Variants in MSL2 observed in about 807,000 individuals in gnomAD.
The protein encoded by MSL2 is E3 ubiquitin-protein ligase MSL2.
MSL2 carries 2 observed loss-of-function variants against 35.8 expected under a neutral mutation model. The ratio of observed to expected loss-of-function variants is 0.06; its 90% CI spans 0.02 to 0.18. The LOEUF is 0.18. Among genes scored for constraint, MSL2 ranks in the 10% least tolerant of loss-of-function variants. The pLI is 1.00. For synonymous variants in MSL2, 296 were observed against 255.7 expected (o/e 1.16, Z -1.50); for missense variants, 523 against 706.7 (o/e 0.74, Z 2.95).
intron 1 of MSL2, among the ~76,000 whole-genome samples, chr3:136,185,605 T>A (rs950491127): frequency 2.6e-5 from 4 of 151,834 alleles, no homozygotes; most frequent in African/African-American, 9.7e-5. Flanking sequence ...GGTGCAATCT[T>A]GGCTCAATGC....
intron 1 of MSL2, among the ~76,000 whole-genome samples, chr3:136,190,425 G>T (rs1189109617): frequency 6.6e-6 from 1 of 151,830 alleles, no homozygotes. Context: ...GTGTGGTGGC[G>T]CACACCTGTA....
chr3:136,195,384 A>G lies in MSL2; in HGVS notation c.-271T>C. Reference sequence around the variant, plus strand: ...TCGAGTTCGTCCGGAGCGACCACAGAGCGCAGAACGCGGCGGCTTGGGCGC... The same window carrying G: ...TCGAGTTCGTCCGGAGCGACCACAGGGCGCAGAACGCGGCGGCTTGGGCGC... On this transcript the variant is annotated 5_prime_UTR_variant, in exon 1 of 2. Transcript: ENST00000309993. The G allele has an allele frequency of 8.4e-7, 1 of 1,184,972 alleles. No homozygotes were observed. Among genetic ancestry groups the G allele is most frequent in the Non-Finnish European group, 1.0e-6 (1 of 954,972 alleles). The allele number at this position is 1,184,972 out of a possible 1,614,324, so 73.4% of individuals were successfully genotyped here.
At chr3:136,175,840 C>T (rs1457255047) in intron 1 of MSL2, among the ~76,000 whole-genome samples, 1 of 152,162 alleles carries the variant, frequency 6.6e-6, no homozygotes, top group African/African-American at 2.4e-5. Flanking sequence ...TCCTCCATTA[C>T]ATATGTAAAT....
intron 1 of MSL2, among the ~76,000 whole-genome samples, chr3:136,190,530 A>G (rs1026261661): frequency 6.6e-6 from 1 of 150,590 alleles, no homozygotes; most frequent in African/African-American, 2.4e-5. Context: ...GGGTGACAAA[A>G]CAAGATTGTC....
At chr3:136,159,030 G>A (rs527891646) in intron 1 of MSL2, among the ~76,000 whole-genome samples, 6 of 152,272 alleles carry the variant, frequency 3.9e-5, no homozygotes, top group Admixed American at 6.5e-5. Context: ...CAAAATTGAT[G>A]TGTCTGTAAG....
intron 1 of MSL2, among the ~76,000 whole-genome samples, chr3:136,156,392 G>A (rs918905209): frequency 1.3e-5 from 2 of 152,200 alleles, no homozygotes; most frequent in African/African-American, 4.8e-5. Flanking sequence ...TACTTGACTG[G>A]TGATTAGGTG....
At chr3:136,159,112 T>A (rs1486317142) in intron 1 of MSL2, among the ~76,000 whole-genome samples, 2 of 152,126 alleles carry the variant, frequency 1.3e-5, no homozygotes, top group East Asian at 3.8e-4. Context: ...AAAATTCATA[T>A]GGAATCACAG....
intron 1 of MSL2, among the ~76,000 whole-genome samples, chr3:136,190,423 G>C (rs1045279828): frequency 3.9e-5 from 6 of 151,958 alleles, no homozygotes; most frequent in African/African-American, 1.5e-4. Context: ...ACGTGTGGTG[G>C]CGCACACCTG....
chr3:136,156,625 G>A (rs1939532059), intron 1 of MSL2, among the ~76,000 whole-genome samples: 1 of 152,202 alleles, frequency 6.6e-6, no homozygotes, highest in African/African-American at 2.4e-5. Context: ...AGCACCTTGG[G>A]AGGCCAAGGC....
chr3:136,167,351 A>T (rs934553218), intron 1 of MSL2, among the ~76,000 whole-genome samples: 9 of 152,114 alleles, frequency 5.9e-5, no homozygotes, highest in Non-Finnish European at 8.8e-5. Flanking sequence ...GAAAAAAAAA[A>T]ATATCAAGGA....
At chr3:136,165,064 G>A (rs553821299) in intron 1 of MSL2, among the ~76,000 whole-genome samples, 31 of 152,066 alleles carry the variant, frequency 2.0e-4, no homozygotes, top group Non-Finnish European at 4.0e-4. Flanking sequence ...TAGTAGAGAC[G>A]GGGTTTCACC....
Position 136,195,583 on chromosome 3 carries a change from C to A in MSL2, c.-470G>T. On this transcript the variant is annotated 5_prime_UTR_variant, in exon 1 of 2. An upstream open reading frame in the 5' UTR gains an earlier in-frame stop. Coordinates refer to ENST00000309993, the MANE Select transcript of MSL2 (RefSeq NM_018133.4). ...CTCCCGGGCTGCAGGGCCTCTTACTCCATCCCAGTACAGGGCGCGGAGGCG... is the reference window on the plus strand; with the variant it reads ...CTCCCGGGCTGCAGGGCCTCTTACTACATCCCAGTACAGGGCGCGGAGGCG... 1.0e-6 allele frequency: 1 copy of A among 994,824 alleles called. No individual in the cohort carries two copies. The highest frequency in any genetic ancestry group is 4.4e-5 in the South Asian group (1 of 22,946). The allele number at this position is 994,824 out of a possible 1,614,324, so 61.6% of individuals were successfully genotyped here.
At chr3:136,171,627 A>G (rs1474639119) in intron 1 of MSL2, among the ~76,000 whole-genome samples, 1 of 152,200 alleles carries the variant, frequency 6.6e-6, no homozygotes, top group East Asian at 1.9e-4. Flanking sequence ...GTAACTGTCC[A>G]AGTCTGACAA....
chr3:136,187,843 A>T lies in MSL2; in HGVS notation c.142+7129T>A, dbSNP rs76575538. ...ATGCAGATTACAAGGGCCTGTCCAC[A>T]GAGATTCTAATTCAATCAGTCTGGT... On this transcript the variant is annotated intron_variant, in intron 1 of 1. Coordinates refer to ENST00000309993, the MANE Select transcript of MSL2 (RefSeq NM_018133.4). 7.7e-3 allele frequency among the ~76,000 whole-genome samples: 1,177 copies of T among 152,260 alleles called. 23 individuals carry two copies. The highest frequency in any genetic ancestry group is 0.026 in the African/African-American group (1,067 of 41,544).
At chr3:136,193,768 C>T (rs374533072) in intron 1 of MSL2, among the ~76,000 whole-genome samples, 1 of 152,256 alleles carries the variant, frequency 6.6e-6, no homozygotes, top group South Asian at 2.1e-4. Flanking sequence ...CCCTGGGCGA[C>T]TATTCCTCTA....
rs1559955220 is a variant in MSL2, at chr3:136,152,201, T to C, written c.680A>G (p.Lys227Arg). 1 of 1,614,170 alleles carries C rather than the reference T, an allele frequency of 6.2e-7. No homozygotes were observed. Among genetic ancestry groups the C allele is most frequent in the East Asian group, 2.2e-5 (1 of 44,888 alleles). Residue 227 changes from lysine (K) to arginine (R), a missense_variant, in exon 2 of 2, where the codon AAA becomes AGA. This residue lies in a region of MSL2 where 361 missense variants were observed against 414.6 expected (regional missense o/e 0.87). Transcript: ENST00000309993. ...TIDVCNTVDI[K>R]TEDLSDSLPP... ...CAGGCTGTCAGACAGATCCTCAGTT[T>C]TTATGTCAACAGTATTACATACGTC...
chr3:136,163,398 G>T (rs573020520), intron 1 of MSL2, among the ~76,000 whole-genome samples: 1 of 152,284 alleles, frequency 6.6e-6, no homozygotes, highest in East Asian at 1.9e-4. Flanking sequence ...ACTATCCACT[G>T]AAGAGGCCTG....
intron 1 of MSL2, among the ~76,000 whole-genome samples, chr3:136,182,624 G>A (rs1034292954): frequency 1.6e-4 from 24 of 151,902 alleles, no homozygotes; most frequent in Admixed American, 1.6e-3. Context: ...GGACTTGTCA[G>A]AGCGAAGCAC....
chr3:136,172,075 G>A (rs777946019), intron 1 of MSL2, among the ~76,000 whole-genome samples: 4 of 152,096 alleles, frequency 2.6e-5, no homozygotes, highest in Admixed American at 6.5e-5. Flanking sequence ...CCTCCCAAAG[G>A]GCTGGGATTA....
Sources: allele counts gnomAD v4.1 joint callset (sites outside exome capture counted in the v4.1 genomes callset), GRCh38; gene constraint gnomAD v4.1.1; regional missense constraint gnomAD v4.1.1; transcripts MANE v1.5; gene names NCBI Gene and HGNC (gene_info 2026-07-23, HGNC 2026-07-21).